The following MYLK variants were observed in gnomAD, a reference collection of about 807,000 sequenced individuals.
MYLK encodes myosin light chain kinase, smooth muscle.
A neutral mutation model predicts 203.4 loss-of-function variants in MYLK; 106 were observed. The ratio of observed to expected loss-of-function variants is 0.52; its 90% CI spans 0.45 to 0.61. The LOEUF (loss-of-function observed/expected upper bound fraction) is 0.61. Ranked by LOEUF, MYLK falls within the 20% of genes least tolerant of loss-of-function variation. The pLI, the probability that MYLK is intolerant of heterozygous loss-of-function variation, is 0.00. For synonymous variants in MYLK, 867 were observed against 959.5 expected (o/e 0.90, Z 1.78); for missense variants, 2,072 against 2,442.3 (o/e 0.85, Z 3.20).
chr3:123,863,603 C>G (rs9682818), intron 2 of MYLK, among the ~76,000 whole-genome samples: 2 of 151,982 alleles, frequency 1.3e-5, no homozygotes, highest in Non-Finnish European at 2.9e-5. Flanking sequence ...CACATAATAG[C>G]GCTTAATATC....
chr3:123,643,900 A>G (rs1377484423), intron 27 of MYLK, among the ~76,000 whole-genome samples: 1 of 152,254 alleles, frequency 6.6e-6, no homozygotes, highest in African/African-American at 2.4e-5. Flanking sequence ...CATGGATGAC[A>G]CAGCTTAAAC....
intron 5 of MYLK, among the ~76,000 whole-genome samples, chr3:123,749,016 C>T (rs1436698978): frequency 6.6e-6 from 1 of 152,032 alleles, no homozygotes; most frequent in Admixed American, 6.6e-5. Context: ...TTGCAGTGAG[C>T]CAAGATCATG....
At chr3:123,818,685 C>T (rs2065825654) in intron 3 of MYLK, among the ~76,000 whole-genome samples, 1 of 152,112 alleles carries the variant, frequency 6.6e-6, no homozygotes, top group Non-Finnish European at 1.5e-5. Context: ...GCCAGACCCT[C>T]TCTCAAAAAC....
chr3:123,735,925 C>A (rs1488198602), intron 8 of MYLK, among the ~76,000 whole-genome samples: 1 of 152,158 alleles, frequency 6.6e-6, no homozygotes, highest in Non-Finnish European at 1.5e-5. Flanking sequence ...TAAGGAGATA[C>A]CACATTTTGC....
chr3:123,775,691 A>C (rs1341783345), intron 4 of MYLK, among the ~76,000 whole-genome samples: 2 of 152,226 alleles, frequency 1.3e-5, no homozygotes, highest in Non-Finnish European at 2.9e-5. Context: ...CATGATATGC[A>C]GAGAAGAAAA....
At chr3:123,682,077 C>T (rs1462259630) in intron 20 of MYLK, 147 bp downstream of exon 20, 1 of 710,196 alleles carries the variant, frequency 1.4e-6, no homozygotes, top group Non-Finnish European at 2.5e-6. Context: ...GTTCACTGGG[C>T]ACTTCAGGGT....
At chr3:123,649,337 T>A in intron 24 of MYLK, 143 bp from the exon 25 acceptor site, 1 of 1,074,090 alleles carries the variant, frequency 9.3e-7, no homozygotes. Context: ...GGGCATCCCC[T>A]GGGGCTGGTC....
intron 3 of MYLK, among the ~76,000 whole-genome samples, chr3:123,829,491 T>C (rs1480502173): frequency 2.0e-5 from 3 of 152,080 alleles, no homozygotes; most frequent in African/African-American, 7.2e-5. Context: ...GGATACAAAA[T>C]TACAGCTAGA....
intron 12 of MYLK, among the ~76,000 whole-genome samples, chr3:123,723,148 T>C (rs1287940118): frequency 1.3e-5 from 2 of 152,172 alleles, no homozygotes; most frequent in African/African-American, 2.4e-5. Flanking sequence ...CAACTGTCAG[T>C]TTCTTCCCTT....
chr3:123,720,522 C>CAGGTGGA (rs941934147), intron 13 of MYLK, among the ~76,000 whole-genome samples: 7 of 152,330 alleles, frequency 4.6e-5, no homozygotes, highest in Admixed American at 3.9e-4. Flanking sequence ...GAAGAGCCCC[C>CAGGTGGA]AGGTGAGTCC....
At chr3:123,798,670 C>T (rs763564589) in intron 3 of MYLK, among the ~76,000 whole-genome samples, 24 of 152,090 alleles carry the variant, frequency 1.6e-4, no homozygotes, top group South Asian at 8.3e-4. Flanking sequence ...AAAAGGAACA[C>T]GCAAATCAAT....
rs528352752 is a variant in MYLK at position 123,665,820 on chromosome 3, T to C, written c.3831+399A>G. 9.2e-5 allele frequency among the ~76,000 whole-genome samples: 14 copies of C among 152,278 alleles called. No individual in the cohort carries two copies. The South Asian group carries it at 2.9e-3, about 32-fold the overall frequency. ...TTCAGCATGTGGCAAGTTTAAGTGG[T>C]TATAACAGACAGGAATCAGTGGGCT... On this transcript the variant is annotated intron_variant, in intron 22 of 33. Coordinates refer to ENST00000360304, the MANE Select transcript of MYLK (RefSeq NM_053025.4).
At chr3:123,795,761 A>C (rs1292407151) in intron 3 of MYLK, among the ~76,000 whole-genome samples, 2 of 152,204 alleles carry the variant, frequency 1.3e-5, no homozygotes, top group African/African-American at 2.4e-5. Flanking sequence ...CGTGGGGCAC[A>C]CATCTGCTGA....
Position 123,700,556 on chromosome 3 carries a change from A to G in MYLK, c.2912T>C (p.Val971Ala), listed in dbSNP as rs2108581893. Residue 971 changes from valine (V) to alanine (A), a missense_variant, in exon 18 of 34, where the codon GTG (valine) becomes GCG (alanine). Around this residue, in one of 3 missense-constraint regions of MYLK, gnomAD observed 865 missense variants for 1,016.0 expected, o/e 0.85. Transcript: ENST00000360304. ...CGGGGTGGCAGGTTTTGGCGGTGGC[A>G]CCTTCTCAGGCACGGGGGTCTTGGA... ...GTSKTPVPEK[V>A]PPPKPATPDF... 6.2e-7 allele frequency: 1 copy of G among 1,613,538 alleles called. No individual in the cohort carries two copies. The highest frequency in any genetic ancestry group is 2.2e-5 in the East Asian group (1 of 44,824).
intron 3 of MYLK, among the ~76,000 whole-genome samples, chr3:123,810,208 T>C (rs998671516): frequency 6.6e-6 from 1 of 152,184 alleles, no homozygotes; most frequent in African/African-American, 2.4e-5. Context: ...ACATAAGTGC[T>C]GTAGGTGAAA....
chr3:123,638,401 CA>C (rs974728449), intron 28 of MYLK, among the ~76,000 whole-genome samples: 1 of 152,078 alleles, frequency 6.6e-6, no homozygotes, highest in Non-Finnish European at 1.5e-5. Context: ...ACACTCACCT[CA>C]AATGTCCTGT....
chr3:123,739,925 T>C, intron 6 of MYLK, 28 bp downstream of exon 6: 1 of 1,613,292 alleles, frequency 6.2e-7, no homozygotes, highest in South Asian at 1.1e-5. Flanking sequence ...ATCCAACCCT[T>C]ACTCTGTCTT....
chr3:123,730,947 A>G lies in MYLK; in HGVS notation c.1516+1949T>C, dbSNP rs111326792. ...TCAATAAAGCTGTCACACAAAACAC[A>G]ACAAGATAGGGAATCAACCTGAGAT... is the stretch of plus-strand genomic sequence containing the variant. On this transcript the variant is annotated intron_variant, in intron 11 of 33. Transcript: ENST00000360304. Among the ~76,000 whole-genome samples, 762 of 152,326 alleles carry G rather than the reference A, an allele frequency of 5.0e-3. 8 individuals carry two copies. Among genetic ancestry groups the G allele is most frequent in the African/African-American group, 0.017 (726 of 41,574 alleles).
chr3:123,818,740 G>A (rs1577061211), intron 3 of MYLK, among the ~76,000 whole-genome samples: 1 of 152,160 alleles, frequency 6.6e-6, no homozygotes, highest in African/African-American at 2.4e-5. Context: ...GGTTAAATGT[G>A]CAGATTTGAA....
Sources: allele counts gnomAD v4.1 joint callset (sites outside exome capture counted in the v4.1 genomes callset), GRCh38; gene constraint gnomAD v4.1.1; regional missense constraint gnomAD v4.1.1; transcripts MANE v1.5; gene names NCBI Gene and HGNC (gene_info 2026-07-23, HGNC 2026-07-21).